Variants in EARS2 observed in about 807,000 individuals in gnomAD.
The protein encoded by EARS2 is nondiscriminating glutamyl-tRNA synthetase EARS2, mitochondrial.
Under a neutral mutation model 54.1 loss-of-function variants are expected in EARS2, and 50 were observed. The observed-to-expected ratio is 0.92, with a 90% CI of 0.74 to 1.17. The LOEUF (loss-of-function observed/expected upper bound fraction) is 1.17, where lower values mean the gene tolerates loss of function less well. EARS2 is among the 50% of genes most tolerant of loss of function. EARS2 has a pLI of 0.00. For missense variants in EARS2, 673 were observed against 675.0 expected, an observed-to-expected ratio of 1.00 and a Z score of 0.03; for synonymous variants, 298 against 281.0, an observed-to-expected ratio of 1.06 and a Z score of -0.61.
At position 23,534,983 on chromosome 16, in the gene EARS2, C is replaced by T. The variant is rs749463634; in HGVS notation, c.863G>A (p.Arg288Lys). 1.5e-5 allele frequency: 24 copies of T among 1,612,780 alleles called. No homozygotes were observed. The South Asian group carries it at 2.6e-4, about 18-fold the overall frequency. ...GTGCTCCAGGAAAACGTCCCCTTGC[C>T]TCTTGGAGAGCTTGCTGCCATCCCT... ...LNRDGSKLSK[R>K]QGDVFLEHFA... Residue 288 changes from arginine (R) to lysine (K), a missense_variant, in exon 4 of 9, where the codon AGG becomes AAG. Physicochemically the swap from Arg to Lys is conservative, Grantham distance 26. Coordinates refer to ENST00000449606, the MANE Select transcript of EARS2 (RefSeq NM_001083614.2).
intron 4 of EARS2, among the ~76,000 whole-genome samples, chr16:23,534,555 T>A (rs1163997096): frequency 2.0e-5 from 3 of 152,146 alleles, no homozygotes; most frequent in Non-Finnish European, 4.4e-5. Flanking sequence ...GTGTGACAGG[T>A]GCTGGGCTGG....
At chr16:23,552,503 T>C (rs1965713789) in intron 1 of EARS2, among the ~76,000 whole-genome samples, 199 bp from the exon 2 acceptor site, 1 of 149,750 alleles carries the variant, frequency 6.7e-6, no homozygotes, top group Non-Finnish European at 1.5e-5. Flanking sequence ...TCCTGTAGGT[T>C]TTTTAAGACA....
intron 3 of EARS2, among the ~76,000 whole-genome samples, chr16:23,542,316 CTTTTTTTTT>C (rs745418385): frequency 7.5e-5 from 7 of 93,712 alleles, no homozygotes; most frequent in South Asian, 4.1e-4. Context: ...TTTCATTTTT[CTTTTTTTTT>C]TTTTTTTTTT....
At chr16:23,545,236 C>G (rs773499556) in intron 2 of EARS2, 1 of 152,424 alleles carries the variant, frequency 6.6e-6, no homozygotes, top group Non-Finnish European at 1.5e-5. Flanking sequence ...CGGAGGTGTA[C>G]GGGCTCCAAA....
chr16:23,530,262 C>T (rs1234247040), intron 5 of EARS2, among the ~76,000 whole-genome samples: 1 of 151,970 alleles, frequency 6.6e-6, no homozygotes, highest in Non-Finnish European at 1.5e-5. Flanking sequence ...AGTAGCTGGG[C>T]CCACAGACAC....
At chr16:23,556,832 T>C in intron 1 of EARS2, 1 of 486,634 alleles carries the variant, frequency 2.1e-6, no homozygotes, top group South Asian at 1.6e-5. Flanking sequence ...ACACTTATTT[T>C]TTATAAGTGT....
At chr16:23,539,957 C>T (rs1167246377) in intron 3 of EARS2, among the ~76,000 whole-genome samples, 2 of 152,048 alleles carry the variant, frequency 1.3e-5, no homozygotes, top group Non-Finnish European at 2.9e-5. Context: ...TGAGACCAGC[C>T]TAGGCAACAC....
Position 23,535,485 on chromosome 16 carries a change from A to G in EARS2, c.486-125T>C, listed in dbSNP as rs973681884. 1.0e-5 allele frequency: 8 copies of G among 794,160 alleles called. No individual in the cohort carries two copies. The Admixed American group carries it at 1.0e-4, about 10-fold the overall frequency. The allele number at this position is 794,160 out of a possible 1,614,324, so 49.2% of individuals were successfully genotyped here. On this transcript the variant is annotated intron_variant, in intron 3 of 8. Transcript: ENST00000449606. ...CTGCTGCAAGCTGCTTCCTCAGTCT[A>G]TAACAGGGATGATGGTACAGTTGTG...
intron 3 of EARS2, among the ~76,000 whole-genome samples, chr16:23,536,651 G>C (rs1384795707): frequency 6.9e-6 from 1 of 145,476 alleles, no homozygotes; most frequent in East Asian, 2.1e-4. Context: ...GACACAGCGA[G>C]ACCCTGTCTC....
intron 1 of EARS2, among the ~76,000 whole-genome samples, chr16:23,553,756 C>T (rs943851230): frequency 1.3e-5 from 2 of 151,984 alleles, no homozygotes; most frequent in African/African-American, 2.4e-5. Flanking sequence ...ATTAGCTGGG[C>T]ATGGTGGTGG....
At position 23,535,437 on chromosome 16, in the gene EARS2, T is replaced by C; in HGVS notation, c.486-77A>G. 9 of 1,398,376 alleles carry C rather than the reference T, an allele frequency of 6.4e-6. No homozygotes were observed. The South Asian group carries it at 1.2e-4, about 18-fold the overall frequency. The allele number at this position is 1,398,376 out of a possible 1,614,324, so 86.6% of individuals were successfully genotyped here. ...AGGAGTCCTACCTCTGTCATAGCTG[T>C]GTGACCTTAAGCAAGTCAGTTACTG... is the stretch of plus-strand genomic sequence containing the variant. On this transcript the variant is annotated intron_variant, in intron 3 of 8. Transcript: ENST00000449606.
At chr16:23,536,713 C>T (rs1397402352) in intron 3 of EARS2, among the ~76,000 whole-genome samples, 1 of 140,406 alleles carries the variant, frequency 7.1e-6, no homozygotes, top group South Asian at 2.3e-4. Flanking sequence ...GATAGAGTCT[C>T]GCTGTGTCAC....
rs1462990416 is a variant in EARS2 at position 23,557,333 on chromosome 16, A to G, written c.11T>C (p.Leu4Pro). The change falls in exon 1 of 9, where the codon CTC (leucine) becomes CCC (proline). Residue 4 changes from leucine (L) to proline (P), a missense_variant. Leu to Pro is a moderately conservative substitution (Grantham distance 98). Transcript: ENST00000449606. The part of the protein sequence containing the change: MAA[L>P]LRRLLQRERP... ...CTCGCGCTGCAGCAGTCTCCTCAGG[A>G]GCGCCGCCATGTGGGATGGAATAGC... The G allele has an allele frequency of 6.5e-7, 1 of 1,547,684 alleles. No individual in the cohort carries two copies. Among genetic ancestry groups the G allele is most frequent in the East Asian group, 2.4e-5 (1 of 42,172 alleles).
At chr16:23,527,976 C>G (rs553144743) in intron 7 of EARS2, among the ~76,000 whole-genome samples, 1 of 152,282 alleles carries the variant, frequency 6.6e-6, no homozygotes, top group Admixed American at 6.5e-5. Flanking sequence ...GGGAGGTGAA[C>G]AGGTCATGCA....
chr16:23,539,712 CA>C (rs5816217), intron 3 of EARS2, among the ~76,000 whole-genome samples: 128,115 of 150,128 alleles, frequency 0.85, 54,696 homozygotes, highest in Middle Eastern at 0.9. Flanking sequence ...TATAATTTAA[CA>C]AAAAAAAAAA....
chr16:23,552,276 A>C lies in EARS2; in HGVS notation c.168T>G (p.Thr56=). The part of the protein sequence containing the change: ...TGFLHLGGLR[T]ALYNYIFAKK... ...TAGCAAAGATGTAGTTGTACAAGGC[A>C]GTGCGGAGGCCACCCAGGTGCAAGA... is the stretch of plus-strand genomic sequence containing the variant. Residue 56 remains threonine (T), a synonymous_variant, in exon 2 of 9, where the codon ACT becomes ACG. Transcript: ENST00000449606. 6.2e-7 allele frequency: 1 copy of C among 1,614,170 alleles called. No homozygotes were observed. The highest frequency in any genetic ancestry group is 8.5e-7 in the Non-Finnish European group (1 of 1,179,980).
In EARS2 at chr16:23,544,904, C is replaced by T. The variant is rs1965578101; in HGVS notation, c.296-201G>A. The T allele has an allele frequency of 1.0e-5, 5 of 484,086 alleles. No individual in the cohort carries two copies. The Admixed American group carries it at 1.1e-4, about 11-fold the overall frequency. 30.0% of individuals were successfully genotyped at this position (484,086 alleles called of 1,614,324 possible). On this transcript the variant is annotated intron_variant, in intron 2 of 8. Coordinates refer to ENST00000449606, the MANE Select transcript of EARS2 (RefSeq NM_001083614.2). ...TCGCCAAGGCTGGAGTGCAGTGGTG[C>T]AATCTTAGCTCACTGCAACCTCCAC...
At chr16:23,540,055 G>A (rs1965487508) in intron 3 of EARS2, among the ~76,000 whole-genome samples, 1 of 152,310 alleles carries the variant, frequency 6.6e-6, no homozygotes, top group Non-Finnish European at 1.5e-5. Flanking sequence ...TTGGGAGGCT[G>A]AGATGAGAGG....
intron 3 of EARS2, 67 bp downstream of exon 3, chr16:23,544,447 T>A: frequency 6.8e-7 from 1 of 1,481,358 alleles, no homozygotes; most frequent in Middle Eastern, 1.8e-4. Context: ...GGGAATTTCT[T>A]ACGCAGCACA....
Sources: gnomAD v4.1 joint callset for allele counts (sites outside exome capture counted in the v4.1 genomes callset) on GRCh38, gnomAD v4.1.1 for gene constraint, MANE v1.5 for transcripts, NCBI Gene and HGNC (gene_info 2026-07-23, HGNC 2026-07-21) for gene names.